LSM11: variants seen among roughly 807,000 people sequenced by gnomAD.
The protein encoded by LSM11 is LSM11, U7 small nuclear RNA associated, also known as U7 snRNA-associated Sm-like protein LSm11.
LSM11 carries 14 observed loss-of-function variants against 28.1 expected under a neutral mutation model. The ratio of observed to expected loss-of-function variants is 0.50; its 90% CI spans 0.33 to 0.78. The LOEUF (loss-of-function observed/expected upper bound fraction) is 0.78. LSM11 is among the 30% of genes least tolerant of loss of function. LSM11 has a pLI of 0.02. For synonymous variants in LSM11, 207 were observed against 214.2 expected (o/e 0.97, Z 0.30); for missense variants, 495 against 510.6 (o/e 0.97, Z 0.30).
chr5:157,749,308 C>T lies in LSM11; in HGVS notation c.449-2082C>T, dbSNP rs145829393. Among the ~76,000 whole-genome samples, 309 of 152,204 alleles carry T rather than the reference C, an allele frequency of 2.0e-3. 2 individuals are homozygous for T. The highest frequency in any genetic ancestry group is 7.2e-3 in the African/African-American group (297 of 41,522). Reference sequence around the variant, plus strand: ...TCTTTCCACTCTTTGTATAAACATACATCATAGGGCAGGGGGCAGTATATA... The same window carrying T: ...TCTTTCCACTCTTTGTATAAACATATATCATAGGGCAGGGGGCAGTATATA... On this transcript the variant is annotated intron_variant, in intron 1 of 3. Coordinates refer to ENST00000286307, the MANE Select transcript of LSM11 (RefSeq NM_173491.4).
chr5:157,755,340 G>A lies in LSM11; in HGVS notation c.*76G>A. 9 of 1,453,076 alleles carry A rather than the reference G, an allele frequency of 6.2e-6. No homozygotes were observed. The highest frequency in any genetic ancestry group is 8.4e-6 in the Non-Finnish European group (9 of 1,068,810). The allele number at this position is 1,453,076 out of a possible 1,614,324, so 90.0% of individuals were successfully genotyped here. On this transcript the variant is annotated 3_prime_UTR_variant, in exon 4 of 4. Transcript: ENST00000286307. ...CTATGCTGTATCCTAGTATCCCAGT[G>A]AAACTCTGAGTTGGAATGATTCCCT...
chr5:157,755,861 C>G lies in LSM11; in HGVS notation c.*597C>G, dbSNP rs1761318264. ...TAGGCGGTATGCTCAAAGCAGCCAG[C>G]AATGAGTGCTCTGTTTTGATCCTTC... On this transcript the variant is annotated 3_prime_UTR_variant, in exon 4 of 4. Transcript: ENST00000286307. 1 of 398,334 alleles carries G rather than the reference C, an allele frequency of 2.5e-6. No individual in the cohort carries two copies. Among genetic ancestry groups the G allele is most frequent in the South Asian group, 1.4e-4 (1 of 7,102 alleles). The allele number at this position is 398,334 out of a possible 1,614,324, so 24.7% of individuals were successfully genotyped here.
At chr5:157,753,216 C>T (rs1239378169) in intron 2 of LSM11, among the ~76,000 whole-genome samples, 1 of 152,354 alleles carries the variant, frequency 6.6e-6, no homozygotes, top group Non-Finnish European at 1.5e-5. Context: ...TGAATCCTAG[C>T]ATCATCACTT....
In LSM11 at chr5:157,744,122, C is replaced by T; in HGVS notation, c.372C>T (p.Asp124=). 2.0e-6 allele frequency: 3 copies of T among 1,479,998 alleles called. No homozygotes were observed. The highest frequency in any genetic ancestry group is 1.3e-5 in the South Asian group (1 of 77,904). 91.7% of individuals were successfully genotyped at this position (1,479,998 alleles called of 1,614,324 possible). ...TCATGGTGGCCAAAGAGGAAGGGGA[C>T]GGGGCCGCAGGAGCGGGCCGGAGGG... ...RRLMVAKEEG[D]GAAGAGRRGP... The change falls in exon 1 of 4, where the codon GAC becomes GAT. Residue 124 remains aspartate (D), a synonymous_variant. Transcript: ENST00000286307.
intron 3 of LSM11, among the ~76,000 whole-genome samples, 199 bp from the exon 4 acceptor site, chr5:157,754,655 G>GCA (rs1184906120): frequency 1.4e-4 from 19 of 134,906 alleles, no homozygotes; most frequent in Non-Finnish European, 2.7e-4. Context: ...TCGCACCACT[G>GCA]CACTCTAGCC....
chr5:157,751,854 A>G (rs1761237222), intron 2 of LSM11, among the ~76,000 whole-genome samples: 1 of 152,166 alleles, frequency 6.6e-6, no homozygotes, highest in Non-Finnish European at 1.5e-5. Flanking sequence ...TTGCAGCTAA[A>G]CAGTCTACAA....
intron 3 of LSM11, among the ~76,000 whole-genome samples, chr5:157,754,496 A>G (rs1298896365): frequency 2.0e-5 from 3 of 152,062 alleles, no homozygotes; most frequent in African/African-American, 7.2e-5. Context: ...GATCGAGACC[A>G]TCCTGGCTAA....
chr5:157,755,674 C>G lies in LSM11; in HGVS notation c.*410C>G. 2.5e-6 allele frequency: 1 copy of G among 405,898 alleles called. No homozygotes were observed. Among genetic ancestry groups the G allele is most frequent in the East Asian group, 3.5e-5 (1 of 28,300 alleles). The allele number at this position is 405,898 out of a possible 1,614,324, so 25.1% of individuals were successfully genotyped here. A position where few individuals can be genotyped will look rare whatever the true frequency, so the allele number is the denominator to read the frequency against. The stretch of plus-strand genomic sequence containing the variant: ...GCCCTGAGTACTCATGAATTCGATT[C>G]CAAGAGTAGTGGTGTAAATTGCCTT... On this transcript the variant is annotated 3_prime_UTR_variant, in exon 4 of 4. Transcript: ENST00000286307.
intron 1 of LSM11, among the ~76,000 whole-genome samples, chr5:157,745,831 C>T (rs1204434515): frequency 1.3e-5 from 2 of 152,100 alleles, no homozygotes; most frequent in African/African-American, 2.4e-5. Flanking sequence ...GCATTGACGT[C>T]GCACAGAGTT....
At chr5:157,748,474 C>T (rs767734609) in intron 1 of LSM11, among the ~76,000 whole-genome samples, 2 of 152,166 alleles carry the variant, frequency 1.3e-5, no homozygotes, top group Non-Finnish European at 2.9e-5. Flanking sequence ...AGAGCATGTA[C>T]TTACTGTAAT....
rs1761352825 is a variant in LSM11, at chr5:157,757,795, A to G, written c.*2531A>G. On this transcript the variant is annotated 3_prime_UTR_variant, in exon 4 of 4. Transcript: ENST00000286307. ...GTAGAAATTTGGAATCCAACGGAAT[A>G]TAATCAGTTTTCATTCATTCCAGTG... 6.6e-6 allele frequency: 1 copy of G among 152,368 alleles called. No homozygotes were observed. The highest frequency in any genetic ancestry group is 3.4e-3 in the Middle Eastern group (1 of 294). 9.4% of individuals were successfully genotyped at this position (152,368 alleles called of 1,614,324 possible).
intron 3 of LSM11, 48 bp downstream of exon 3, chr5:157,754,135 C>A: frequency 1.5e-6 from 2 of 1,319,444 alleles, no homozygotes; most frequent in Non-Finnish European, 1.0e-6. Context: ...TGCTTTCCAG[C>A]TTAGGAATTA....
intron 1 of LSM11, among the ~76,000 whole-genome samples, chr5:157,745,783 C>T (rs1321734996): frequency 6.6e-6 from 1 of 152,116 alleles, no homozygotes; most frequent in East Asian, 1.9e-4. Flanking sequence ...AAATTTTCAC[C>T]ATGGCACTGC....
rs896001334 is a variant in LSM11 at position 157,757,404 on chromosome 5, C to T, written c.*2140C>T. 1 of 152,126 alleles carries T rather than the reference C, an allele frequency of 6.6e-6. No homozygotes were observed. Among genetic ancestry groups the T allele is most frequent in the African/African-American group, 2.4e-5 (1 of 41,420 alleles). 9.4% of individuals were successfully genotyped at this position (152,126 alleles called of 1,614,324 possible). On this transcript the variant is annotated 3_prime_UTR_variant, in exon 4 of 4. Coordinates refer to ENST00000286307, the MANE Select transcript of LSM11 (RefSeq NM_173491.4). ...TCATTATCAGAAAGAATCCCCTGAA[C>T]TTTTCAAGGGGTTTATATGGTAGCA... is the stretch of plus-strand genomic sequence containing the variant.
At chr5:157,748,873 C>T (rs563393733) in intron 1 of LSM11, among the ~76,000 whole-genome samples, 12 of 152,296 alleles carry the variant, frequency 7.9e-5, no homozygotes, top group African/African-American at 2.6e-4. Flanking sequence ...GAGTAACTTT[C>T]TCCAAAGATA....
intron 1 of LSM11, chr5:157,747,433 T>C (rs1761164838): frequency 4.9e-6 from 1 of 202,718 alleles, no homozygotes; most frequent in African/African-American, 2.3e-5. Context: ...GTTTGGCTCC[T>C]AGACCATTGT....
chr5:157,755,905 G>A lies in LSM11; in HGVS notation c.*641G>A. On this transcript the variant is annotated 3_prime_UTR_variant, in exon 4 of 4. Transcript: ENST00000286307. ...ATCCTTCTTCTTATTATGGAAAGGA[G>A]TACAGGACCTCTTCAGTCTTCCCCT... 1 of 390,986 alleles carries A rather than the reference G, an allele frequency of 2.6e-6. No individual in the cohort carries two copies. The allele number at this position is 390,986 out of a possible 1,614,324, so 24.2% of individuals were successfully genotyped here. A position where few individuals can be genotyped will look rare whatever the true frequency, so the allele number is the denominator to read the frequency against.
intron 1 of LSM11, among the ~76,000 whole-genome samples, chr5:157,750,747 G>T (rs1343297041): frequency 3.9e-5 from 6 of 152,138 alleles, no homozygotes; most frequent in Non-Finnish European, 7.4e-5. Flanking sequence ...GAAGGATCTC[G>T]CTGTTAATGT....
intron 1 of LSM11, among the ~76,000 whole-genome samples, chr5:157,745,982 T>C (rs1380594029): frequency 6.6e-6 from 1 of 152,170 alleles, no homozygotes; most frequent in Non-Finnish European, 1.5e-5. Context: ...GATCACTACC[T>C]GGGTGACAAA....
Sources: allele counts gnomAD v4.1 joint callset (sites outside exome capture counted in the v4.1 genomes callset), GRCh38; gene constraint gnomAD v4.1.1; transcripts MANE v1.5; gene names NCBI Gene and HGNC (gene_info 2026-07-23, HGNC 2026-07-21).